The following COL27A1 variants were observed in gnomAD, a reference collection of about 807,000 sequenced individuals.
The protein encoded by COL27A1 is collagen alpha-1(XXVII) chain.
A neutral mutation model predicts 251.3 loss-of-function variants in COL27A1; 106 were observed. The ratio of observed to expected loss-of-function variants is 0.42; its 90% CI spans 0.36 to 0.50. The LOEUF (loss-of-function observed/expected upper bound fraction) is 0.50, where lower values mean the gene tolerates loss of function less well. Ranked by LOEUF, COL27A1 falls within the 20% of genes least tolerant of loss-of-function variation. The pLI is 0.00. For synonymous variants in COL27A1, 1,000 were observed against 986.3 expected, an observed-to-expected ratio of 1.01 and a Z score of -0.26; for missense variants, 2,325 against 2,522.8, an observed-to-expected ratio of 0.92 and a Z score of 1.68.
intron 37 of COL27A1, 134 bp downstream of exon 37, chr9:114,275,902 G>A (rs1240947138): frequency 6.5e-6 from 4 of 611,832 alleles, no homozygotes; most frequent in East Asian, 5.8e-5. Flanking sequence ...TTCTCCACCT[G>A]GCAGTTTGCC....
At chr9:114,258,364 T>C (rs1317430866) in intron 27 of COL27A1, among the ~76,000 whole-genome samples, 177 bp from the exon 28 acceptor site, 1 of 152,130 alleles carries the variant, frequency 6.6e-6, no homozygotes, top group Non-Finnish European at 1.5e-5. Flanking sequence ...CCTGCTGCTT[T>C]CCCCAGTGAG....
intron 23 of COL27A1, among the ~76,000 whole-genome samples, 165 bp downstream of exon 23, chr9:114,243,725 C>T (rs535973583): frequency 3.4e-4 from 51 of 152,104 alleles, no homozygotes; most frequent in Non-Finnish European, 6.3e-4. Flanking sequence ...TGGACACAAC[C>T]TAAGTGTCCA....
At chr9:114,303,227 CTTTT>C (rs1000474092) in intron 56 of COL27A1, among the ~76,000 whole-genome samples, 1 of 141,724 alleles carries the variant, frequency 7.1e-6, no homozygotes, top group South Asian at 2.2e-4. Context: ...CTTTGCTTTT[CTTTT>C]TTTTTCTTTT....
Position 114,301,476 on chromosome 9 carries a change from G to A in COL27A1, c.4809+14G>A. On this transcript the variant is annotated intron_variant, in intron 54 of 60. Coordinates refer to ENST00000356083, the MANE Select transcript of COL27A1 (RefSeq NM_032888.4). Reference sequence around the variant, plus strand: ...CAAGGTCCGAGGGTGAGTGGGCTGGGCATGAGGGCTGTGGGGCGGGGCGTG... The same window carrying A: ...CAAGGTCCGAGGGTGAGTGGGCTGGACATGAGGGCTGTGGGGCGGGGCGTG... 2 of 1,594,100 alleles carry A rather than the reference G, an allele frequency of 1.3e-6. No individual in the cohort carries two copies. The highest frequency in any genetic ancestry group is 2.2e-5 in the South Asian group (2 of 90,418).
chr9:114,285,957 G>A (rs1486658087), intron 41 of COL27A1, among the ~76,000 whole-genome samples: 1 of 152,244 alleles, frequency 6.6e-6, no homozygotes, highest in Admixed American at 6.5e-5. Flanking sequence ...AGCCTTGAGT[G>A]CCTCATCAAG....
At chr9:114,227,906 G>C (rs983317444) in intron 14 of COL27A1, among the ~76,000 whole-genome samples, 2 of 152,216 alleles carry the variant, frequency 1.3e-5, no homozygotes, top group Non-Finnish European at 2.9e-5. Context: ...CTCGGGGGAT[G>C]CTGGCCTGGA....
intron 3 of COL27A1, among the ~76,000 whole-genome samples, chr9:114,172,703 AG>A (rs1849406681): frequency 6.6e-6 from 1 of 152,170 alleles, no homozygotes; most frequent in Non-Finnish European, 1.5e-5. Flanking sequence ...CCGAGGTAGG[AG>A]AATCCCTTGA....
At chr9:114,284,136 CAG>C (rs1836107571) in intron 40 of COL27A1, among the ~76,000 whole-genome samples, 1 of 152,130 alleles carries the variant, frequency 6.6e-6, no homozygotes, top group Non-Finnish European at 1.5e-5. Flanking sequence ...CTGGAGAAAC[CAG>C]GGCTCAGAGA....
chr9:114,278,895 G>A (rs1305782839), intron 37 of COL27A1, among the ~76,000 whole-genome samples: 1 of 152,054 alleles, frequency 6.6e-6, no homozygotes, highest in Non-Finnish European at 1.5e-5. Context: ...AGCCATCGGG[G>A]CCTTTCCAGA....
At chr9:114,265,720 C>T (rs940895016) in intron 32 of COL27A1, among the ~76,000 whole-genome samples, 1 of 152,206 alleles carries the variant, frequency 6.6e-6, no homozygotes, top group Non-Finnish European at 1.5e-5. Context: ...CCTTGCCATT[C>T]TGTTGTGAAG....
intron 33 of COL27A1, 71 bp from the exon 34 acceptor site, chr9:114,267,433 T>A: frequency 7.2e-7 from 1 of 1,380,036 alleles, no homozygotes; most frequent in South Asian, 1.3e-5. Flanking sequence ...TCTTGGAGCC[T>A]CAGTTACCCC....
intron 17 of COL27A1, among the ~76,000 whole-genome samples, chr9:114,236,412 C>T (rs1832403616): frequency 2.0e-5 from 3 of 152,180 alleles, no homozygotes; most frequent in Admixed American, 2.0e-4. Context: ...ACTGGCCTTA[C>T]AAAATGACAT....
At chr9:114,294,440 C>T (rs970164828) in intron 49 of COL27A1, among the ~76,000 whole-genome samples, 3 of 152,000 alleles carry the variant, frequency 2.0e-5, no homozygotes, top group Non-Finnish European at 1.5e-5. Flanking sequence ...CCACAGTTCT[C>T]AATAAAATTT....
In COL27A1 at chr9:114,224,854, G is replaced by A. The variant is rs565904677; in HGVS notation, c.2466+2587G>A. Among the ~76,000 whole-genome samples, 21 of 151,716 alleles carry A rather than the reference G, an allele frequency of 1.4e-4. No homozygotes were observed. The South Asian group carries it at 1.9e-3, about 14-fold the overall frequency. ...TTTCTTTTTGTAGAGACAGGATTTC[G>A]CCACATTGCCCAGGCTGGTCTCCAA... is the stretch of plus-strand genomic sequence containing the variant. On this transcript the variant is annotated intron_variant, in intron 14 of 60. Coordinates refer to ENST00000356083, the MANE Select transcript of COL27A1 (RefSeq NM_032888.4).
At chr9:114,237,154 C>A (rs1193671007) in intron 18 of COL27A1, 120 bp downstream of exon 18, 3 of 946,022 alleles carry the variant, frequency 3.2e-6, no homozygotes, top group South Asian at 1.7e-5. Context: ...CTCCTGGGGG[C>A]AAGCAGGGCA....
intron 24 of COL27A1, chr9:114,246,226 T>C (rs1833121667): frequency 7.2e-6 from 2 of 278,844 alleles, no homozygotes; most frequent in Non-Finnish European, 1.3e-5. Flanking sequence ...GGAGGAGCCC[T>C]TGGCAGTCGT....
intron 12 of COL27A1, among the ~76,000 whole-genome samples, chr9:114,214,742 T>G (rs555721476): frequency 1.1e-4 from 17 of 152,222 alleles, no homozygotes; most frequent in Non-Finnish European, 2.1e-4. Flanking sequence ...AGAGGAAAGC[T>G]TGGTCCACAG....
intron 1 of COL27A1, 126 bp downstream of exon 1, chr9:114,156,138 C>G: frequency 7.9e-7 from 1 of 1,258,198 alleles, no homozygotes; most frequent in East Asian, 2.9e-5. Flanking sequence ...TCCTGCGCCC[C>G]CGCGAGGCGG....
At position 114,267,565 on chromosome 9, in the gene COL27A1, G is replaced by A; in HGVS notation, c.3501+8G>A. ...GGGGAAGCCGGGATGAAGGTGAGGT[G>A]GGATGAAAGAAGAGAAAAATGACTT... On this transcript the variant is annotated splice_region_variant and intron_variant, in intron 34 of 60. Coordinates refer to ENST00000356083, the MANE Select transcript of COL27A1 (RefSeq NM_032888.4). 6.3e-7 allele frequency: 1 copy of A among 1,594,366 alleles called. No homozygotes were observed. The highest frequency in any genetic ancestry group is 8.5e-7 in the Non-Finnish European group (1 of 1,172,160).
Sources: gnomAD v4.1 joint callset for allele counts (sites outside exome capture counted in the v4.1 genomes callset) on GRCh38, gnomAD v4.1.1 for gene constraint, MANE v1.5 for transcripts, NCBI Gene and HGNC (gene_info 2026-07-23, HGNC 2026-07-21) for gene names.